AXDND1: variants seen among roughly 807,000 people sequenced by gnomAD.
AXDND1 encodes the protein axonemal dynein light chain domain containing 1.
In AXDND1, 110 loss-of-function variants were observed where a neutral mutation model predicts 137.5. The observed-to-expected ratio is 0.80, with a 90% CI of 0.69 to 0.94. The LOEUF is 0.94. Among genes scored for constraint, AXDND1 ranks in the 40% least tolerant of loss-of-function variants. The pLI is 0.00. For missense variants in AXDND1, 1,191 were observed against 1,169.8 expected, an observed-to-expected ratio of 1.02 and a Z score of -0.26; for synonymous variants, 414 against 399.7, an observed-to-expected ratio of 1.04 and a Z score of -0.43.
chr1:179,483,336 G>T (rs2125542663), intron 18 of AXDND1, 115 bp downstream of exon 18: 1 of 574,638 alleles, frequency 1.7e-6, no homozygotes, highest in Non-Finnish European at 3.0e-6. Flanking sequence ...GGGCAAAATA[G>T]AAGCTTGTAT....
rs553106974 is a variant in AXDND1, at chr1:179,398,360, ACTGGGGGGAGCTGAGGTGCTC to A, written c.1109+3163_1109+3183del. ...CTCCTTGAGGTTAGGAATCCACTGC[ACTGGGGGGAGCTGAGGTGCTC>A]CTGGACCACTGGTCACTACACTCTG... On this transcript the variant is annotated intron_variant, in intron 11 of 25. Coordinates refer to ENST00000367618, the MANE Select transcript of AXDND1 (RefSeq NM_144696.6). Among the ~76,000 whole-genome samples the A allele has an allele frequency of 1.4e-4, 21 of 152,260 alleles. 1 individual carries two copies. The East Asian group carries it at 3.3e-3, about 24-fold the overall frequency.
chr1:179,417,451 C>T (rs547624436), intron 12 of AXDND1, among the ~76,000 whole-genome samples: 7 of 152,176 alleles, frequency 4.6e-5, no homozygotes, highest in East Asian at 1.9e-4. Flanking sequence ...GTTTCCCCAA[C>T]GTTTTCTTCA....
At position 179,379,463 on chromosome 1, in the gene AXDND1, G is replaced by T. The variant is rs372646870; in HGVS notation, c.562G>T (p.Gly188Cys). ...FHIVSSTGVS[G>C]LECYDDKYTT... Reference sequence around the variant, plus strand: ...TATTGTGTCAAGTACAGGAGTTTCAGGTTTGGAGTGTTATGATGAGTGAGT... The same window carrying T: ...TATTGTGTCAAGTACAGGAGTTTCATGTTTGGAGTGTTATGATGAGTGAGT... Residue 188 changes from glycine to cysteine, a missense_variant, in exon 6 of 26, where the codon GGT (glycine) becomes TGT (cysteine). By Grantham distance (159) the Gly-to-Cys change is radical. Coordinates refer to ENST00000367618, the MANE Select transcript of AXDND1 (RefSeq NM_144696.6). The T allele has an allele frequency of 9.3e-6, 15 of 1,613,354 alleles. No homozygotes were observed. The African/African-American group carries it at 1.6e-4, about 17-fold the overall frequency.
In AXDND1 at chr1:179,382,700, C is replaced by T; in HGVS notation, c.582C>T (p.Asp194=). The T allele has an allele frequency of 3.8e-6, 6 of 1,599,282 alleles. No individual in the cohort carries two copies. Among genetic ancestry groups the T allele is most frequent in the Non-Finnish European group, 5.1e-6 (6 of 1,167,292 alleles). Residue 194 remains aspartate (D), a splice_region_variant and synonymous_variant, in exon 7 of 26, where the codon GAC becomes GAT. Coordinates refer to ENST00000367618, the MANE Select transcript of AXDND1 (RefSeq NM_144696.6). ...CATTTACCTATCTTATTTATTGTAG[C>T]AAATACACTACTCTCCTCACAGATA... is the stretch of plus-strand genomic sequence containing the variant. ...TGVSGLECYD[D]KYTTLLTDSE... is the part of the protein sequence containing the mutation.
intron 16 of AXDND1, among the ~76,000 whole-genome samples, chr1:179,463,055 C>G (rs1662592315): frequency 6.6e-6 from 1 of 152,132 alleles, no homozygotes; most frequent in South Asian, 2.1e-4. Context: ...TTTTGTTAAT[C>G]TTTTCAAAAA....
At chr1:179,378,961 T>C (rs759889055) in intron 5 of AXDND1, among the ~76,000 whole-genome samples, 2 of 152,302 alleles carry the variant, frequency 1.3e-5, no homozygotes, top group East Asian at 1.9e-4. Flanking sequence ...AAATGTCTTA[T>C]TTTAAGCCAT....
intron 4 of AXDND1, among the ~76,000 whole-genome samples, chr1:179,375,557 CACATATATGTACATACATATATGT>C (rs1295388672): frequency 4.0e-5 from 6 of 149,978 alleles, no homozygotes; most frequent in South Asian, 4.2e-4. Context: ...ATATACTGTA[CACATATATGTACATACATATATGT>C]ACATATATGT....
chr1:179,416,287 G>T (rs1654695267), intron 12 of AXDND1, among the ~76,000 whole-genome samples: 1 of 152,140 alleles, frequency 6.6e-6, no homozygotes, highest in Non-Finnish European at 1.5e-5. Context: ...TTCAGTGGCT[G>T]AATAATATTC....
chr1:179,552,719 C>G (rs749770099), intron 25 of AXDND1: 1 of 1,534,626 alleles, frequency 6.5e-7, no homozygotes, highest in East Asian at 2.3e-5. Context: ...GGTGTGCAGC[C>G]ATGATTTAGG....
chr1:179,450,494 A>G (rs1262614904), intron 16 of AXDND1: 1 of 152,196 alleles, frequency 6.6e-6, no homozygotes, highest in Non-Finnish European at 1.5e-5. Context: ...TATCAGGTTT[A>G]GGAAATTCTG....
At chr1:179,440,034 G>A (rs529251975) in intron 15 of AXDND1, among the ~76,000 whole-genome samples, 8 of 152,252 alleles carry the variant, frequency 5.3e-5, no homozygotes, top group Admixed American at 4.6e-4. Context: ...CTTTCTGCTG[G>A]AGTCTTATCA....
intron 11 of AXDND1, among the ~76,000 whole-genome samples, chr1:179,405,655 T>C (rs992348298): frequency 6.6e-5 from 10 of 152,192 alleles, no homozygotes; most frequent in African/African-American, 2.4e-4. Context: ...GGTATTCCAA[T>C]TTGTTAGTGG....
At chr1:179,428,277 A>G (rs1656867965) in intron 12 of AXDND1, among the ~76,000 whole-genome samples, 2 of 152,260 alleles carry the variant, frequency 1.3e-5, no homozygotes, top group South Asian at 2.1e-4. Context: ...TCACACTAGA[A>G]GTATTTCAAT....
In AXDND1 at chr1:179,383,424, G is replaced by A. The variant is rs367870682; in HGVS notation, c.639-18G>A. The A allele has an allele frequency of 3.9e-5, 61 of 1,584,046 alleles. No individual in the cohort carries two copies. The African/African-American group carries it at 6.6e-4, about 17-fold the overall frequency. On this transcript the variant is annotated intron_variant, in intron 7 of 25. Transcript: ENST00000367618. ...GTTGCAATGTTAATTGCATAAGTCT[G>A]CCACCTTAATTTTTTAGGAAACCTA...
chr1:179,390,663 A>AT (rs1169238877), intron 9 of AXDND1, among the ~76,000 whole-genome samples: 2 of 119,926 alleles, frequency 1.7e-5, no homozygotes, highest in Non-Finnish European at 3.5e-5. Flanking sequence ...CGTCTAACAT[A>AT]TGATATTCCA....
intron 20 of AXDND1, among the ~76,000 whole-genome samples, chr1:179,500,588 G>T (rs1216325939): frequency 6.6e-6 from 1 of 152,152 alleles, no homozygotes; most frequent in Non-Finnish European, 1.5e-5. Context: ...ATATTGTAAA[G>T]ATGTCAATTC....
At chr1:179,440,867 G>T (rs535624085) in intron 15 of AXDND1, among the ~76,000 whole-genome samples, 1 of 152,228 alleles carries the variant, frequency 6.6e-6, no homozygotes, top group Non-Finnish European at 1.5e-5. Flanking sequence ...CACAGACAAT[G>T]TTGATAGGAT....
intron 25 of AXDND1, among the ~76,000 whole-genome samples, chr1:179,542,858 C>T (rs1353405392): frequency 6.6e-6 from 1 of 152,180 alleles, no homozygotes; most frequent in African/African-American, 2.4e-5. Flanking sequence ...CTTCCAAAAA[C>T]CACCAGCAAA....
intron 23 of AXDND1, 127 bp from the exon 24 acceptor site, chr1:179,533,668 T>C: frequency 2.0e-6 from 1 of 504,550 alleles, no homozygotes; most frequent in Non-Finnish European, 3.5e-6. Flanking sequence ...TGCTTAACCA[T>C]CTATTAGATA....
Sources: allele counts gnomAD v4.1 joint callset (sites outside exome capture counted in the v4.1 genomes callset), GRCh38; gene constraint gnomAD v4.1.1; transcripts MANE v1.5; gene names NCBI Gene and HGNC (gene_info 2026-07-23, HGNC 2026-07-21).